The following YKT6 variants were observed in gnomAD, a reference collection of about 807,000 sequenced individuals.
The protein encoded by YKT6 is YKT6 vesicular SNARE protein, also known as synaptobrevin homolog YKT6.
YKT6 carries 12 observed loss-of-function variants against 29.3 expected under a neutral mutation model. The ratio of observed to expected loss-of-function variants is 0.41; its 90% CI spans 0.26 to 0.66. The LOEUF is 0.66. Ranked by LOEUF, YKT6 falls within the 30% of genes least tolerant of loss-of-function variation. The pLI is 0.32. For synonymous variants in YKT6, 86 were observed against 94.3 expected, an observed-to-expected ratio of 0.91 and a Z score of 0.51; for missense variants, 188 against 243.8, an observed-to-expected ratio of 0.77 and a Z score of 1.52.
chr7:44,208,071 T>G (rs1800443351), intron 4 of YKT6, 62 bp from the exon 5 acceptor site: 3 of 1,559,220 alleles, frequency 1.9e-6, no homozygotes, highest in African/African-American at 1.4e-5. Flanking sequence ...TTCCTCAGTT[T>G]TAGGTTTTGT....
rs1176221430 is a variant in YKT6, at chr7:44,206,473, C to T, written c.276C>T (p.Thr92=). Residue 92 remains threonine, a synonymous_variant, in exon 3 of 7, where the codon ACC becomes ACT. Transcript: ENST00000223369. ...DNEYPSRVAF[T]LLEKVLDEFS... ...AATACCCATCCCGGGTGGCCTTTAC[C>T]TTGCTGGAGAAGGTGAGTTTTTTAT... 4 of 1,613,932 alleles carry T rather than the reference C, an allele frequency of 2.5e-6. 1 individual carries two copies. In the Admixed American group the frequency reaches 6.7e-5, roughly 27 times the overall value.
In YKT6 at chr7:44,214,219, TTTAG is replaced by T. The variant is rs1439999838; in HGVS notation, c.*1939_*1942del. On this transcript the variant is annotated 3_prime_UTR_variant, in exon 7 of 7. Coordinates refer to ENST00000223369, the MANE Select transcript of YKT6 (RefSeq NM_006555.4). The stretch of plus-strand genomic sequence containing the variant: ...TGTAAATCATTTGGCGAGACTGTAT[TTTAG>T]TAACTGCTGCCTAACTTCCCTGTGT... 6.6e-6 allele frequency: 1 copy of T among 152,248 alleles called. No homozygotes were observed. Among genetic ancestry groups the T allele is most frequent in the African/African-American group, 2.4e-5 (1 of 41,442 alleles). The allele number at this position is 152,248 out of a possible 1,614,324, so 9.4% of individuals were successfully genotyped here.
intron 5 of YKT6, chr7:44,208,827 T>A (rs2096343670): frequency 6.6e-6 from 1 of 152,600 alleles, no homozygotes; most frequent in Non-Finnish European, 1.5e-5. Flanking sequence ...CTCTAAGTGG[T>A]CCCCTTGCCT....
At chr7:44,204,727 C>G in intron 2 of YKT6, 77 bp downstream of exon 2, 1 of 1,406,676 alleles carries the variant, frequency 7.1e-7, no homozygotes, top group South Asian at 1.2e-5. Flanking sequence ...CCAGCTTTCT[C>G]CTTTCTACTG....
chr7:44,207,914 C>T (rs1181359323), intron 4 of YKT6, among the ~76,000 whole-genome samples: 3 of 151,972 alleles, frequency 2.0e-5, no homozygotes, highest in South Asian at 2.1e-4. Context: ...TTAGTAGAGA[C>T]GGTTTCACCA....
chr7:44,201,130 G>A lies in YKT6; in HGVS notation c.-6G>A, dbSNP rs767372419. On this transcript the variant is annotated 5_prime_UTR_variant, in exon 1 of 7. Transcript: ENST00000223369. The stretch of plus-strand genomic sequence containing the variant: ...GGGCAGGCGGGCGGCCTGAGGGCGC[G>A]GAGCCATGAAGCTGTACAGCCTCAG... 33 of 1,576,832 alleles carry A rather than the reference G, an allele frequency of 2.1e-5. No individual in the cohort carries two copies. Among genetic ancestry groups the A allele is most frequent in the Non-Finnish European group, 2.6e-5 (30 of 1,164,574 alleles).
intron 6 of YKT6, chr7:44,211,429 T>G (rs2096346765): frequency 1.4e-6 from 1 of 715,220 alleles, no homozygotes; most frequent in Non-Finnish European, 1.9e-6. Context: ...TGGTTCAAGT[T>G]CTGATCACCA....
chr7:44,203,285 G>T (rs949430063), intron 1 of YKT6, among the ~76,000 whole-genome samples: 1 of 152,014 alleles, frequency 6.6e-6, no homozygotes, highest in Admixed American at 6.5e-5. Flanking sequence ...GTAGAGATGG[G>T]GTTTTACCAT....
chr7:44,212,308 G>A lies in YKT6; in HGVS notation c.*26G>A. 6.2e-7 allele frequency: 1 copy of A among 1,612,886 alleles called. No individual in the cohort carries two copies. Among genetic ancestry groups the A allele is most frequent in the South Asian group, 1.1e-5 (1 of 90,956 alleles). On this transcript the variant is annotated 3_prime_UTR_variant, in exon 7 of 7. Coordinates refer to ENST00000223369, the MANE Select transcript of YKT6 (RefSeq NM_006555.4). ...TGCAGCCTGCCAGAGGCCCAATGCT[G>A]GAATGGCACCATCATTCACATCAGA...
intron 5 of YKT6, chr7:44,208,733 A>T (rs1268392736): frequency 2.0e-5 from 3 of 152,238 alleles, no homozygotes; most frequent in African/African-American, 7.3e-5. Flanking sequence ...CTGTTGCTTC[A>T]ACTCTTTTTT....
At position 44,208,522 on chromosome 7, in the gene YKT6, T is replaced by C. The variant is rs1033850848; in HGVS notation, c.459+324T>C. 15 of 328,496 alleles carry C rather than the reference T, an allele frequency of 4.6e-5. No homozygotes were observed. In the Admixed American group the frequency reaches 5.5e-4, roughly 12 times the overall value. 20.3% of individuals were successfully genotyped at this position (328,496 alleles called of 1,614,324 possible). A position where few individuals can be genotyped will look rare whatever the true frequency, so the allele number is the denominator to read the frequency against. On this transcript the variant is annotated intron_variant, in intron 5 of 6. Coordinates refer to ENST00000223369, the MANE Select transcript of YKT6 (RefSeq NM_006555.4). ...CTTCTGAAGACCTGGATTCCCACCC[T>C]GGTGCCTTTGTTAGGGTTTCGGGTG...
chr7:44,210,242 ACC>A (rs1471582345), intron 5 of YKT6, among the ~76,000 whole-genome samples: 4 of 151,730 alleles, frequency 2.6e-5, no homozygotes, highest in Admixed American at 2.6e-4. Flanking sequence ...GTCAACAGAA[ACC>A]CTCAAATATT....
chr7:44,209,612 A>T (rs1458941246), intron 5 of YKT6, among the ~76,000 whole-genome samples: 1 of 152,198 alleles, frequency 6.6e-6, no homozygotes, highest in Non-Finnish European at 1.5e-5. Flanking sequence ...TGAATCAGTT[A>T]ACTTTCTGTG....
rs538490166 is a variant in YKT6 at position 44,211,426 on chromosome 7, A to G, written c.561+302A>G. The G allele has an allele frequency of 3.3e-5, 23 of 687,542 alleles. No homozygotes were observed. The African/African-American group carries it at 3.7e-4, about 11-fold the overall frequency. 42.6% of individuals were successfully genotyped at this position (687,542 alleles called of 1,614,324 possible). A position where few individuals can be genotyped will look rare whatever the true frequency, so the allele number is the denominator to read the frequency against. The stretch of plus-strand genomic sequence containing the variant: ...CTCCCAGTCCAGGAAGGCTGGTTCA[A>G]GTTCTGATCACCAGAGATTTACTGT... On this transcript the variant is annotated intron_variant, in intron 6 of 6. Coordinates refer to ENST00000223369, the MANE Select transcript of YKT6 (RefSeq NM_006555.4).
intron 5 of YKT6, 25 bp downstream of exon 5, chr7:44,208,223 C>G (rs1395356540): frequency 6.2e-7 from 1 of 1,613,150 alleles, no homozygotes; most frequent in Non-Finnish European, 8.5e-7. Flanking sequence ...GGAGAGCAAG[C>G]CCAAGAACTG....
Position 44,201,254 on chromosome 7 carries a change from C to T in YKT6, c.104+15C>T, listed in dbSNP as rs771358279. On this transcript the variant is annotated intron_variant, in intron 1 of 6. Transcript: ENST00000223369. Reference sequence around the variant, plus strand: ...CAGAGATCCAGGTGAGCGGCACAGGCTGGTGGGCCGTGGCGGTCGGGCGGA... The same window carrying T: ...CAGAGATCCAGGTGAGCGGCACAGGTTGGTGGGCCGTGGCGGTCGGGCGGA... 1 of 1,570,300 alleles carries T rather than the reference C, an allele frequency of 6.4e-7. No individual in the cohort carries two copies. Among genetic ancestry groups the T allele is most frequent in the Non-Finnish European group, 8.7e-7 (1 of 1,153,244 alleles).
At chr7:44,203,481 G>T (rs1049483419) in intron 1 of YKT6, among the ~76,000 whole-genome samples, 3 of 152,256 alleles carry the variant, frequency 2.0e-5, no homozygotes, top group African/African-American at 7.2e-5. Context: ...TAGTTTCCCA[G>T]CTTTTTTGGT....
In YKT6 at chr7:44,208,136, C is replaced by T; in HGVS notation, c.397C>T (p.Pro133Ser). ...ATTATTTTTCACTCTTTCCTAGAAC[C>T]CACGAGAAGCTGATCCCATGACTAA... The part of the protein sequence containing the change: ...LDGHLSRYQN[P>S]READPMTKVQ... Residue 133 changes from proline to serine, a missense_variant, in exon 5 of 7, where the codon CCA becomes TCA. Transcript: ENST00000223369. The T allele has an allele frequency of 6.2e-7, 1 of 1,614,040 alleles. No homozygotes were observed. The highest frequency in any genetic ancestry group is 8.5e-7 in the Non-Finnish European group (1 of 1,179,966).
At chr7:44,208,452 A>C in intron 5 of YKT6, 2 of 442,356 alleles carry the variant, frequency 4.5e-6, no homozygotes, top group Non-Finnish European at 4.2e-6. Flanking sequence ...TCCCTTCCTC[A>C]TGGCTACTGC....
Sources: gnomAD v4.1 joint callset for allele counts (sites outside exome capture counted in the v4.1 genomes callset) on GRCh38, gnomAD v4.1.1 for gene constraint, MANE v1.5 for transcripts, NCBI Gene and HGNC (gene_info 2026-07-23, HGNC 2026-07-21) for gene names.